Variants in SLC35A1 observed in about 807,000 individuals in gnomAD.
SLC35A1 encodes solute carrier family 35 member A1, also known as CMP-sialic acid transporter.
A neutral mutation model predicts 40.3 loss-of-function variants in SLC35A1; 21 were observed. The observed-to-expected ratio is 0.52, with a 90% CI of 0.37 to 0.75. SLC35A1 has a LOEUF of 0.75. SLC35A1 is among the 30% of genes least tolerant of loss of function. The pLI, the probability that SLC35A1 is intolerant of heterozygous loss-of-function variation, is 0.00. For synonymous variants in SLC35A1, 146 were observed against 147.3 expected (o/e 0.99, Z 0.06); for missense variants, 297 against 382.1 (o/e 0.78, Z 1.86).
chr6:87,502,286 T>C (rs1769942529), intron 4 of SLC35A1, among the ~76,000 whole-genome samples: 1 of 152,230 alleles, frequency 6.6e-6, no homozygotes, highest in African/African-American at 2.4e-5. Flanking sequence ...TGTCTCCCAA[T>C]GTTGTCTAAG....
chr6:87,478,901 T>C (rs1769165010), intron 2 of SLC35A1, among the ~76,000 whole-genome samples: 1 of 152,192 alleles, frequency 6.6e-6, no homozygotes. Context: ...AGGGGACTTA[T>C]TCCTTATGCA....
In SLC35A1 at chr6:87,511,890, A is replaced by G. The variant is rs529031053; in HGVS notation, c.*364A>G. ...GTCTAAGGGTTAAAGTGCCAAAGCC[A>G]TTTCTGTACTAACTGTTCTCTTGTT... On this transcript the variant is annotated 3_prime_UTR_variant, in exon 8 of 8. Transcript: ENST00000369552. The G allele has an allele frequency of 6.4e-6, 2 of 310,392 alleles. No individual in the cohort carries two copies. Among genetic ancestry groups the G allele is most frequent in the East Asian group, 8.2e-5 (1 of 12,254 alleles). The allele number at this position is 310,392 out of a possible 1,614,324, so 19.2% of individuals were successfully genotyped here. A position where few individuals can be genotyped will look rare whatever the true frequency, so the allele number is the denominator to read the frequency against.
At chr6:87,474,937 A>G (rs532445974) in intron 1 of SLC35A1, among the ~76,000 whole-genome samples, 3 of 152,356 alleles carry the variant, frequency 2.0e-5, no homozygotes, top group South Asian at 4.1e-4. Flanking sequence ...TATTTGGTTT[A>G]GTGTTTAAAT....
intron 2 of SLC35A1, among the ~76,000 whole-genome samples, chr6:87,479,261 C>T (rs182314819): frequency 1.3e-5 from 2 of 152,268 alleles, no homozygotes; most frequent in East Asian, 3.9e-4. Context: ...TAGTTCTGCT[C>T]AATTTTCCGA....
intron 2 of SLC35A1, among the ~76,000 whole-genome samples, chr6:87,486,102 CATT>C (rs1769381721): frequency 6.6e-6 from 1 of 152,138 alleles, no homozygotes; most frequent in African/African-American, 2.4e-5. Flanking sequence ...AGCTTAATCT[CATT>C]ATAGAGCAGT....
chr6:87,498,453 C>T (rs1407519962), intron 2 of SLC35A1, among the ~76,000 whole-genome samples: 1 of 152,044 alleles, frequency 6.6e-6, no homozygotes, highest in East Asian at 1.9e-4. Context: ...GAGGAGAAAA[C>T]ATTTTGAAAA....
chr6:87,479,122 G>C (rs1053063538), intron 2 of SLC35A1, among the ~76,000 whole-genome samples: 2 of 152,128 alleles, frequency 1.3e-5, no homozygotes, highest in African/African-American at 4.8e-5. Context: ...AAAAGTAGAA[G>C]GCAAAGAATT....
chr6:87,499,168 T>A (rs1456617657), intron 2 of SLC35A1: 2 of 952,090 alleles, frequency 2.1e-6, no homozygotes, highest in African/African-American at 3.5e-5. Flanking sequence ...TAGGCACAGG[T>A]TAGTCAATTT....
chr6:87,492,246 T>G (rs1769575728), intron 2 of SLC35A1, among the ~76,000 whole-genome samples: 1 of 152,288 alleles, frequency 6.6e-6, no homozygotes, highest in African/African-American at 2.4e-5. Flanking sequence ...ATGTCCTTTA[T>G]AGCAAAATAG....
intron 1 of SLC35A1, among the ~76,000 whole-genome samples, chr6:87,476,001 A>C (rs1410119273): frequency 6.6e-6 from 1 of 150,930 alleles, no homozygotes; most frequent in African/African-American, 2.4e-5. Context: ...AGGAAAGTAG[A>C]AATAGTTTGA....
In SLC35A1 at chr6:87,509,164, G is replaced by C. The variant is rs77366569; in HGVS notation, c.875G>C (p.Gly292Ala). ...LSTIASVMLF[G>A]LQITLTFALG... The stretch of plus-strand genomic sequence containing the variant: ...ACCATTGCTTCAGTAATGCTGTTTG[G>C]ATTACAGATAAGTATGTCTTAGTTT... The change falls in exon 7 of 8, where the codon GGA (glycine) becomes GCA (alanine). Residue 292 changes from glycine to alanine, a missense_variant. Gly to Ala is a moderately conservative substitution (Grantham distance 60, BLOSUM62 0). Coordinates refer to ENST00000369552, the MANE Select transcript of SLC35A1 (RefSeq NM_006416.5). 6.2e-7 allele frequency: 1 copy of C among 1,614,070 alleles called. No individual in the cohort carries two copies. Among genetic ancestry groups the C allele is most frequent in the East Asian group, 2.2e-5 (1 of 44,874 alleles).
intron 2 of SLC35A1, among the ~76,000 whole-genome samples, chr6:87,491,893 T>G (rs1442644055): frequency 6.6e-6 from 1 of 152,246 alleles, no homozygotes; most frequent in African/African-American, 2.4e-5. Context: ...CCTAAGACCC[T>G]TCTCCAAATA....
At chr6:87,497,389 A>C (rs1769762078) in intron 2 of SLC35A1, among the ~76,000 whole-genome samples, 1 of 152,176 alleles carries the variant, frequency 6.6e-6, no homozygotes, top group African/African-American at 2.4e-5. Context: ...TAAGCATCCA[A>C]CAAAAAGGAT....
At chr6:87,510,949 G>C (rs55766457) in intron 7 of SLC35A1, among the ~76,000 whole-genome samples, 2 of 151,750 alleles carry the variant, frequency 1.3e-5, no homozygotes, top group African/African-American at 4.8e-5. Flanking sequence ...CCTCATCTCC[G>C]ATTAAGAAAT....
At chr6:87,500,325 A>G (rs562192306) in intron 2 of SLC35A1, among the ~76,000 whole-genome samples, 183 bp from the exon 3 acceptor site, 25 of 152,284 alleles carry the variant, frequency 1.6e-4, no homozygotes, top group African/African-American at 6.0e-4. Context: ...CAGAACTATA[A>G]TTTTTTAAAG....
At position 87,509,073 on chromosome 6, in the gene SLC35A1, G is replaced by A. The variant is rs1485557692; in HGVS notation, c.784G>A (p.Val262Ile). ...LASVGGLYTS[V>I]VVKYTDNIMK... is the part of the protein sequence containing the mutation. ...AAGTGTTGGTGGCCTCTACACTTCTGTTGTGGTTAAGTACACAGACAACAT... is the reference window on the plus strand; with the variant it reads ...AAGTGTTGGTGGCCTCTACACTTCTATTGTGGTTAAGTACACAGACAACAT... Residue 262 changes from valine (V) to isoleucine (I), a missense_variant, in exon 7 of 8, where the codon GTT (valine) becomes ATT (isoleucine). Val to Ile is a conservative substitution (Grantham distance 29, BLOSUM62 3). Transcript: ENST00000369552. The A allele has an allele frequency of 1.9e-6, 3 of 1,614,116 alleles. No individual in the cohort carries two copies. Among genetic ancestry groups the A allele is most frequent in the African/African-American group, 1.3e-5 (1 of 75,054 alleles).
chr6:87,510,318 T>G (rs1245695855), intron 7 of SLC35A1, among the ~76,000 whole-genome samples: 4 of 152,216 alleles, frequency 2.6e-5, no homozygotes. Flanking sequence ...AACAAAATCC[T>G]TATACCATTG....
chr6:87,492,416 A>G (rs1210286975), intron 2 of SLC35A1, among the ~76,000 whole-genome samples: 4 of 151,622 alleles, frequency 2.6e-5, no homozygotes, highest in Non-Finnish European at 5.9e-5. Context: ...AATTATGTTT[A>G]TTGAGTTTTA....
intron 4 of SLC35A1, among the ~76,000 whole-genome samples, chr6:87,505,942 G>A (rs1319579196): frequency 6.6e-6 from 1 of 152,180 alleles, no homozygotes; most frequent in African/African-American, 2.4e-5. Flanking sequence ...TCAATAAATT[G>A]GGGAGTCTTA....
Sources: gnomAD v4.1 joint callset for allele counts (sites outside exome capture counted in the v4.1 genomes callset) on GRCh38, gnomAD v4.1.1 for gene constraint, MANE v1.5 for transcripts, NCBI Gene and HGNC (gene_info 2026-07-23, HGNC 2026-07-21) for gene names.